PER3: variants seen among roughly 807,000 people sequenced by gnomAD.
PER3 encodes the protein period circadian regulator 3, also known as period circadian protein homolog 3.
In PER3, 107 loss-of-function variants were observed where a neutral mutation model predicts 127.2. The observed-to-expected ratio is 0.84, with a 90% CI of 0.72 to 0.99. PER3 has a LOEUF of 0.99. Among genes scored for constraint, PER3 ranks in the 50% least tolerant of loss-of-function variants. The pLI, the probability that PER3 is intolerant of heterozygous loss-of-function variation, is 0.00. For synonymous variants in PER3, 618 were observed against 585.8 expected (o/e 1.05, Z -0.79); for missense variants, 1,560 against 1,525.8 (o/e 1.02, Z -0.37).
At chr1:7,830,561 C>T (rs115117491) in intron 19 of PER3, among the ~76,000 whole-genome samples, 3 of 152,242 alleles carry the variant, frequency 2.0e-5, no homozygotes, top group African/African-American at 4.8e-5. Context: ...TGCTGTCTTT[C>T]GTATTCGGAT....
chr1:7,800,157 C>T (rs377744623), intron 7 of PER3, among the ~76,000 whole-genome samples: 1 of 151,898 alleles, frequency 6.6e-6, no homozygotes, highest in East Asian at 1.9e-4. Flanking sequence ...TGAAATAGCG[C>T]ACAAGCAAAT....
rs1432822374 is a variant in PER3 at position 7,843,223 on chromosome 1, A to C, written c.*468A>C. ...AATGTAGTACGTTCATACAGGCTTC[A>C]TTCAACCTGGCGTTCCCCTCCATAA... is the stretch of plus-strand genomic sequence containing the variant. On this transcript the variant is annotated 3_prime_UTR_variant, in exon 22 of 22. Coordinates refer to ENST00000377532, the MANE Select transcript of PER3 (RefSeq NM_001377275.1). The C allele has an allele frequency of 6.5e-6, 1 of 153,150 alleles. No individual in the cohort carries two copies. Among genetic ancestry groups the C allele is most frequent in the Non-Finnish European group, 1.5e-5 (1 of 68,296 alleles). 9.5% of individuals were successfully genotyped at this position (153,150 alleles called of 1,614,324 possible).
At chr1:7,803,184 A>C (rs1220536176) in intron 9 of PER3, 31 bp downstream of exon 9, 1 of 1,249,212 alleles carries the variant, frequency 8.0e-7, no homozygotes, top group Non-Finnish European at 1.2e-6. Flanking sequence ...AGGAGGAAAT[A>C]TTTTTCTCTC....
chr1:7,827,455 G>A lies in PER3; in HGVS notation c.2526G>A (p.Gln842=), dbSNP rs1480760882. ...LHGLPLSEGL[Q]PYPAFPFPYL... The stretch of plus-strand genomic sequence containing the variant: ...GGCTGCCCTTGTCCGAGGGCTTGCA[G>A]CCTTACCCAGCTTTCCCTTTTCCTT... The change falls in exon 18 of 22, where the codon CAG becomes CAA. Residue 842 remains glutamine, a synonymous_variant. Coordinates refer to ENST00000377532, the MANE Select transcript of PER3 (RefSeq NM_001377275.1). 14 of 1,614,058 alleles carry A rather than the reference G, an allele frequency of 8.7e-6. No individual in the cohort carries two copies. Among genetic ancestry groups the A allele is most frequent in the African/African-American group, 1.3e-5 (1 of 74,938 alleles).
chr1:7,839,179 T>C (rs1229873795), intron 21 of PER3, among the ~76,000 whole-genome samples: 1 of 152,220 alleles, frequency 6.6e-6, no homozygotes, highest in Non-Finnish European at 1.5e-5. Context: ...CAGTGTGTAA[T>C]TTATACCAGC....
At chr1:7,792,140 G>A (rs2097124618) in intron 5 of PER3, among the ~76,000 whole-genome samples, 1 of 152,188 alleles carries the variant, frequency 6.6e-6, no homozygotes, top group Admixed American at 6.5e-5. Context: ...AATTTCTAAA[G>A]GAAAGAGTTT....
chr1:7,824,541 T>C (rs2097292460), intron 16 of PER3, among the ~76,000 whole-genome samples: 1 of 152,222 alleles, frequency 6.6e-6, no homozygotes, highest in Admixed American at 6.5e-5. Context: ...GGGGTTGTAT[T>C]TTCCTGCTTC....
Position 7,827,691 on chromosome 1 carries a change from G to A in PER3, c.2762G>A (p.Gly921Glu). ...GAAAAGTGGGAGGCACAAAGCGAGG[G>A]GCACCCGTTCATTACTTCGAGAAGC... is the stretch of plus-strand genomic sequence containing the variant. ...EEEKWEAQSEGHPFITSRSSS... is the reference protein window; with the variant it reads ...EEEKWEAQSEEHPFITSRSSS... Residue 921 changes from glycine to glutamate, a missense_variant, in exon 18 of 22, where the codon GGG becomes GAG. Gly to Glu is a moderately conservative substitution (Grantham distance 98, BLOSUM62 -2). Around this residue, in one of 3 missense-constraint regions of PER3, gnomAD observed 1,332 missense variants for 1,223.6 expected, o/e 1.09. Coordinates refer to ENST00000377532, the MANE Select transcript of PER3 (RefSeq NM_001377275.1). 4 of 1,614,068 alleles carry A rather than the reference G, an allele frequency of 2.5e-6. No individual in the cohort carries two copies. Among genetic ancestry groups the A allele is most frequent in the Non-Finnish European group, 3.4e-6 (4 of 1,179,994 alleles).
chr1:7,827,274 C>G lies in PER3; in HGVS notation c.2345C>G (p.Ala782Gly). The G allele has an allele frequency of 6.2e-7, 1 of 1,613,818 alleles. No homozygotes were observed. Reference protein sequence around the residue: ...HQNAQPCCPSAASSPHTSSPT... With the variant: ...HQNAQPCCPSGASSPHTSSPT... Reference sequence around the variant, plus strand: ...AACGCACAGCCCTGCTGCCCCTCCGCGGCCTCCTCTCCGCACACCTCGAGC... The same window carrying G: ...AACGCACAGCCCTGCTGCCCCTCCGGGGCCTCCTCTCCGCACACCTCGAGC... The change falls in exon 18 of 22, where the codon GCG becomes GGG. Residue 782 changes from alanine to glycine, a missense_variant. By Grantham distance (60) the Ala-to-Gly change is moderately conservative. Coordinates refer to ENST00000377532, the MANE Select transcript of PER3 (RefSeq NM_001377275.1).
intron 18 of PER3, among the ~76,000 whole-genome samples, chr1:7,829,276 C>T (rs1362518772): frequency 6.6e-6 from 1 of 152,162 alleles, no homozygotes; most frequent in Non-Finnish European, 1.5e-5. Context: ...AAGAGATTAA[C>T]AGCAGTAACT....
chr1:7,824,561 C>G (rs959282168), intron 16 of PER3, among the ~76,000 whole-genome samples: 1 of 151,902 alleles, frequency 6.6e-6, no homozygotes, highest in Non-Finnish European at 1.5e-5. Context: ...CTTTGCATGC[C>G]TGGTGATTCT....
In PER3 at chr1:7,842,934, T is replaced by C. The variant is rs2097398268; in HGVS notation, c.*179T>C. 7.3e-6 allele frequency: 3 copies of C among 412,860 alleles called. No individual in the cohort carries two copies. The East Asian group carries it at 1.2e-4, about 16-fold the overall frequency. 25.6% of individuals were successfully genotyped at this position (412,860 alleles called of 1,614,324 possible). ...GACATTGTATACAGAATCTTACTTC[T>C]CTTTGTTCCTGATATATTAAAATGG... On this transcript the variant is annotated 3_prime_UTR_variant, in exon 22 of 22. Coordinates refer to ENST00000377532, the MANE Select transcript of PER3 (RefSeq NM_001377275.1).
intron 10 of PER3, among the ~76,000 whole-genome samples, chr1:7,805,787 G>T (rs2097190222): frequency 6.6e-6 from 1 of 152,120 alleles, no homozygotes; most frequent in African/African-American, 2.4e-5. Context: ...CCCAGTCAGG[G>T]TTAAAGATAC....
At chr1:7,817,668 G>A (rs1285060409) in intron 13 of PER3, among the ~76,000 whole-genome samples, 1 of 152,156 alleles carries the variant, frequency 6.6e-6, no homozygotes, top group East Asian at 1.9e-4. Flanking sequence ...CAGTTTCAGT[G>A]TGGACTCATG....
intron 19 of PER3, among the ~76,000 whole-genome samples, chr1:7,831,533 G>A (rs1489465325): frequency 2.6e-5 from 4 of 152,116 alleles, no homozygotes; most frequent in Non-Finnish European, 5.9e-5. Context: ...AGTCTTAAGG[G>A]GAAAGCAGTC....
chr1:7,808,963 G>A lies in PER3; in HGVS notation c.1207G>A (p.Glu403Lys), dbSNP rs1202611886. The part of the protein sequence containing the change: ...KMNDNDKDIT[E>K]LQEQIYKLLL... Reference sequence around the variant, plus strand: ...GAACGATAATGACAAAGACATAACAGAATTACAAGAACAAATTTACAAACT... The same window carrying A: ...GAACGATAATGACAAAGACATAACAAAATTACAAGAACAAATTTACAAACT... The change falls in exon 11 of 22, where the codon GAA becomes AAA. Residue 403 changes from glutamate to lysine, a missense_variant. Transcript: ENST00000377532. 6.3e-7 allele frequency: 1 copy of A among 1,581,116 alleles called. No individual in the cohort carries two copies. The highest frequency in any genetic ancestry group is 8.7e-7 in the Non-Finnish European group (1 of 1,151,992).
At chr1:7,838,983 A>G (rs2097371073) in intron 21 of PER3, among the ~76,000 whole-genome samples, 3 of 151,182 alleles carry the variant, frequency 2.0e-5, no homozygotes, top group Non-Finnish European at 3.0e-5. Flanking sequence ...GCATTTTGCT[A>G]TTTGTTTTCT....
rs1243489823 is a variant in PER3, at chr1:7,820,104, T to C, written c.1659-11T>C. On this transcript the variant is annotated splice_polypyrimidine_tract_variant and intron_variant, in intron 14 of 21. Transcript: ENST00000377532. ...CAGGTAAGAATGTGTGGCCTAATTA[T>C]GTTGTTACAGATACCTGAAGAGCTA... The C allele has an allele frequency of 3.1e-6, 5 of 1,612,014 alleles. No individual in the cohort carries two copies. In the African/African-American group the frequency reaches 4.0e-5, roughly 13 times the overall value.
intron 10 of PER3, among the ~76,000 whole-genome samples, chr1:7,804,872 C>G (rs916905383): frequency 2.0e-5 from 2 of 100,252 alleles, no homozygotes; most frequent in African/African-American, 3.1e-5. Context: ...AATCTTTAGT[C>G]CTTTTTTTTT....
Sources: allele counts gnomAD v4.1 joint callset (sites outside exome capture counted in the v4.1 genomes callset), GRCh38; gene constraint gnomAD v4.1.1; regional missense constraint gnomAD v4.1.1; transcripts MANE v1.5; gene names NCBI Gene and HGNC (gene_info 2026-07-23, HGNC 2026-07-21).